The following DKK4 variants were observed in gnomAD, a reference collection of about 807,000 sequenced individuals.
DKK4 encodes the protein dickkopf Wnt signaling pathway inhibitor 4.
DKK4 carries 15 observed loss-of-function variants against 14.5 expected under a neutral mutation model. That is an observed-to-expected ratio of 1.03 (90% CI 0.69 to 1.59). The LOEUF (loss-of-function observed/expected upper bound fraction) is 1.59, where lower values mean the gene tolerates loss of function less well. Among genes scored for constraint, DKK4 ranks in the 40% most tolerant of loss-of-function variants. The probability of loss-of-function intolerance (pLI) is 0.00; values close to 1 mark genes in which losing one functional copy is unlikely to be tolerated. For missense variants in DKK4, 272 were observed against 280.3 expected (o/e 0.97, Z 0.21); for synonymous variants, 89 against 105.2 (o/e 0.85, Z 0.94).
the DKK4 span, among the ~76,000 whole-genome samples, chr8:42,383,966 G>T: frequency 6.6e-6 from 1 of 152,030 alleles, no homozygotes; most frequent in Non-Finnish European, 1.5e-5. Context: ...CAATCAAGTT[G>T]TGTCCATTTG....
rs267601928 is a variant in DKK4, at chr8:42,375,740, C to A, written c.202G>T (p.Gly68Trp). Reference protein sequence around the residue: ...DEKPFCATCRGLRRRCQRDAM... With the variant: ...DEKPFCATCRWLRRRCQRDAM... The stretch of plus-strand genomic sequence containing the variant: ...TCTCGCTGGCACCTCCTCCGCAACC[C>A]ACGACATGTAGCACAGAACGGCTTC... The change falls in exon 2 of 4, where the codon GGG becomes TGG. Residue 68 changes from glycine (G) to tryptophan (W), a missense_variant. Physicochemically the swap from Gly to Trp is radical, Grantham distance 184. Coordinates refer to ENST00000220812, the MANE Select transcript of DKK4 (RefSeq NM_014420.3). 6.2e-7 allele frequency: 1 copy of A among 1,614,106 alleles called. No individual in the cohort carries two copies. Among genetic ancestry groups the A allele is most frequent in the South Asian group, 1.1e-5 (1 of 91,066 alleles).
intron 2 of DKK4, among the ~76,000 whole-genome samples, chr8:42,375,377 C>G (rs774608850): frequency 4.6e-5 from 7 of 151,966 alleles, no homozygotes; most frequent in Non-Finnish European, 1.5e-5. Context: ...CCTATCTCTA[C>G]TAAAAATAAC....
intron 3 of DKK4, 87 bp from the exon 4 acceptor site, chr8:42,374,446 A>G (rs1563413938): frequency 4.2e-5 from 64 of 1,532,968 alleles, no homozygotes; most frequent in Non-Finnish European, 5.4e-5. Flanking sequence ...AATGGGACCT[A>G]TGACTGACAG....
the DKK4 span, among the ~76,000 whole-genome samples, chr8:42,383,500 C>T: frequency 6.6e-6 from 1 of 152,240 alleles, no homozygotes; most frequent in Non-Finnish European, 1.5e-5. Flanking sequence ...TGGAGCTGTG[C>T]AATGTGCTGG....
chr8:42,376,215 T>C (rs944088557), intron 1 of DKK4, among the ~76,000 whole-genome samples: 2 of 152,214 alleles, frequency 1.3e-5, no homozygotes. Context: ...GTGGCATTCC[T>C]ATTTGATTTT....
chr8:42,383,072 G>T, the DKK4 span, among the ~76,000 whole-genome samples: 1 of 152,208 alleles, frequency 6.6e-6, no homozygotes, highest in Non-Finnish European at 1.5e-5. Context: ...AGTAACGGAA[G>T]CAAGCAGGTC....
intron 2 of DKK4, 55 bp from the exon 3 acceptor site, chr8:42,374,968 G>A: frequency 3.2e-6 from 5 of 1,579,736 alleles, no homozygotes; most frequent in Non-Finnish European, 4.3e-6. Context: ...GAGAACCACA[G>A]ACACACTAAT....
chr8:42,379,376 TATAGAGAG>T (rs1353746662), upstream of DKK4, among the ~76,000 whole-genome samples: 62 of 45,612 alleles, frequency 1.4e-3, no homozygotes, highest in African/African-American at 3.8e-3. Context: ...TATATATATA[TATAGAGAG>T]AGAGAGAGAG....
rs1036826119 is a variant in DKK4, at chr8:42,375,603, A to G, written c.262+77T>C. 35 of 1,563,452 alleles carry G rather than the reference A, an allele frequency of 2.2e-5. No individual in the cohort carries two copies. In the African/African-American group the frequency reaches 3.2e-4, roughly 14 times the overall value. On this transcript the variant is annotated intron_variant, in intron 2 of 3. Coordinates refer to ENST00000220812, the MANE Select transcript of DKK4 (RefSeq NM_014420.3). The stretch of plus-strand genomic sequence containing the variant: ...TAGGAAGCACCATTAGAGAGTGCCT[A>G]CCCTGGAATATTCTAGTCTATGGGG...
the DKK4 span, among the ~76,000 whole-genome samples, chr8:42,385,688 T>G: frequency 1.3e-5 from 2 of 152,150 alleles, no homozygotes; most frequent in African/African-American, 4.8e-5. Flanking sequence ...GGCTCCTGAT[T>G]CCAGGAGCAT....
chr8:42,386,864 G>A, the DKK4 span, among the ~76,000 whole-genome samples: 1 of 152,262 alleles, frequency 6.6e-6, no homozygotes, highest in Middle Eastern at 3.4e-3. Flanking sequence ...CAGGGTAATT[G>A]AGCTATGAAG....
At chr8:42,390,549 G>C in the DKK4 span, among the ~76,000 whole-genome samples, 2 of 151,036 alleles carry the variant, frequency 1.3e-5, no homozygotes, top group African/African-American at 4.9e-5. Context: ...ATTTTTAGTA[G>C]AGGCGGGGTT....
At chr8:42,386,047 CTCTG>C in the DKK4 span, among the ~76,000 whole-genome samples, 1 of 152,184 alleles carries the variant, frequency 6.6e-6, no homozygotes, top group African/African-American at 2.4e-5. Context: ...TTCCCAATCC[CTCTG>C]TCTGCCTCCC....
upstream of DKK4, among the ~76,000 whole-genome samples, chr8:42,381,608 C>G (rs1824680872): frequency 6.6e-6 from 1 of 152,186 alleles, no homozygotes; most frequent in Admixed American, 6.5e-5. Flanking sequence ...GCTGGGCCTC[C>G]TCTCCCCTGT....
the DKK4 span, among the ~76,000 whole-genome samples, chr8:42,386,810 C>T: frequency 1.3e-5 from 2 of 152,114 alleles, no homozygotes; most frequent in African/African-American, 2.4e-5. Context: ...TTTAAAGAAA[C>T]GGAATTGAAC....
Position 42,374,222 on chromosome 8 carries a change from C to G in DKK4, c.553G>C (p.Ala185Pro). ...CGCTGGAAGATTTCTGGAGCTTGAGCAGTGTCTTTATGCCCTCTTCTGGAG... is the reference window on the plus strand; with the variant it reads ...CGCTGGAAGATTTCTGGAGCTTGAGGAGTGTCTTTATGCCCTCTTCTGGAG... ...VCSRRGHKDT[A>P]QAPEIFQRCD... is the part of the protein sequence containing the mutation. The change falls in exon 4 of 4, where the codon GCT becomes CCT. Residue 185 changes from alanine (A) to proline (P), a missense_variant. Transcript: ENST00000220812. 6.2e-7 allele frequency: 1 copy of G among 1,613,412 alleles called. No individual in the cohort carries two copies. Among genetic ancestry groups the G allele is most frequent in the African/African-American group, 1.3e-5 (1 of 74,942 alleles).
chr8:42,385,826 G>T, the DKK4 span, among the ~76,000 whole-genome samples: 2 of 152,020 alleles, frequency 1.3e-5, no homozygotes, highest in African/African-American at 2.4e-5. Context: ...CCAAATCTTA[G>T]AAATGTTGGA....
chr8:42,380,718 G>A (rs576690706), upstream of DKK4, among the ~76,000 whole-genome samples: 6 of 144,014 alleles, frequency 4.2e-5, no homozygotes, highest in Admixed American at 3.6e-4. Flanking sequence ...GAGGAAGGGA[G>A]GAAAAAAGGA....
upstream of DKK4, among the ~76,000 whole-genome samples, chr8:42,380,655 GAAGGAAGA>G (rs1441726898): frequency 4.4e-5 from 4 of 91,042 alleles, no homozygotes; most frequent in East Asian, 2.8e-4. Context: ...TGAGAGAAAG[GAAGGAAGA>G]AAGGAAGAAA....
Sources: allele counts gnomAD v4.1 joint callset (sites outside exome capture counted in the v4.1 genomes callset), GRCh38; gene constraint gnomAD v4.1.1; transcripts MANE v1.5; gene names NCBI Gene and HGNC (gene_info 2026-07-23, HGNC 2026-07-21).